PTPRD: variants seen among roughly 807,000 people sequenced by gnomAD.
PTPRD encodes the protein protein tyrosine phosphatase receptor type D.
PTPRD carries 34 observed loss-of-function variants against 214.5 expected under a neutral mutation model. The observed-to-expected ratio is 0.16, with a 90% CI of 0.12 to 0.21. PTPRD has a LOEUF of 0.21. PTPRD is among the 10% of genes least tolerant of loss of function. The pLI is 1.00. For synonymous variants in PTPRD, 1,128 were observed against 845.7 expected, an observed-to-expected ratio of 1.33 and a Z score of -5.79; for missense variants, 2,545 against 2,398.7, an observed-to-expected ratio of 1.06 and a Z score of -1.27.
intron 10 of PTPRD, among the ~76,000 whole-genome samples, chr9:9,035,904 T>C (rs1349297674): frequency 6.6e-6 from 1 of 152,232 alleles, no homozygotes; most frequent in Non-Finnish European, 1.5e-5. Flanking sequence ...TATTGAAACA[T>C]ATAGAAAGAT....
chr9:9,743,768 AC>A (rs961362596), intron 6 of PTPRD, among the ~76,000 whole-genome samples: 6 of 146,336 alleles, frequency 4.1e-5, no homozygotes, highest in Non-Finnish European at 8.9e-5. Flanking sequence ...ACACACACAC[AC>A]AATTTATACT....
chr9:9,775,508 C>A (rs986669259), intron 5 of PTPRD, among the ~76,000 whole-genome samples: 3 of 152,154 alleles, frequency 2.0e-5, no homozygotes, highest in Non-Finnish European at 4.4e-5. Flanking sequence ...GGATTTTACA[C>A]CTAAACTTTC....
intron 7 of PTPRD, among the ~76,000 whole-genome samples, chr9:9,664,149 G>A (rs1258100193): frequency 2.7e-5 from 4 of 146,650 alleles, no homozygotes; most frequent in Admixed American, 6.8e-5. Flanking sequence ...TGAGTTACAC[G>A]TAAAGAGTCC....
chr9:10,219,696 C>T (rs951366654), intron 3 of PTPRD, among the ~76,000 whole-genome samples: 3 of 151,784 alleles, frequency 2.0e-5, no homozygotes, highest in Non-Finnish European at 2.9e-5. Flanking sequence ...TTTTTCCATA[C>T]ATAAAAATCA....
chr9:10,208,018 A>C (rs2099492730), intron 3 of PTPRD, among the ~76,000 whole-genome samples: 2 of 152,234 alleles, frequency 1.3e-5, no homozygotes, highest in Non-Finnish European at 2.9e-5. Flanking sequence ...GCACATACAC[A>C]ACATAAATAG....
At chr9:10,361,625 T>C (rs887976885) in intron 2 of PTPRD, among the ~76,000 whole-genome samples, 1 of 152,154 alleles carries the variant, frequency 6.6e-6, no homozygotes, top group Non-Finnish European at 1.5e-5. Context: ...TTGATACCCA[T>C]TTCTACTTGG....
At chr9:9,878,705 C>A (rs1171472013) in intron 5 of PTPRD, among the ~76,000 whole-genome samples, 1 of 152,102 alleles carries the variant, frequency 6.6e-6, no homozygotes, top group East Asian at 1.9e-4. Flanking sequence ...CATAACCCAC[C>A]AAATAGAGCA....
intron 27 of PTPRD, among the ~76,000 whole-genome samples, chr9:8,488,323 A>T (rs971452088): frequency 1.3e-5 from 2 of 152,256 alleles, no homozygotes; most frequent in Admixed American, 6.5e-5. Flanking sequence ...TGCTGGGAAG[A>T]TTCATCACAT....
intron 4 of PTPRD, among the ~76,000 whole-genome samples, chr9:10,019,250 T>G (rs928101827): frequency 5.9e-5 from 9 of 152,156 alleles, no homozygotes; most frequent in African/African-American, 2.2e-4. Context: ...TCAGTTAGAA[T>G]GGCGATCATT....
At chr9:8,428,139 T>C (rs1049678872) in intron 35 of PTPRD, among the ~76,000 whole-genome samples, 33 of 152,160 alleles carry the variant, frequency 2.2e-4, no homozygotes, top group Admixed American at 2.0e-3. Flanking sequence ...AGGGCCTGTA[T>C]ACTTAGCAAC....
At chr9:10,549,727 T>C (rs2060904724) in intron 2 of PTPRD, among the ~76,000 whole-genome samples, 1 of 152,186 alleles carries the variant, frequency 6.6e-6, no homozygotes, top group Non-Finnish European at 1.5e-5. Context: ...TGTGTACTTC[T>C]ATGTTGTTTG....
Position 9,611,210 on chromosome 9 carries a change from C to T in PTPRD, c.-286-36429G>A, listed in dbSNP as rs184732334. ...CAAAATGCTTCAGTGAACATCTCTGCACATAAAGCCAGTAGCATCTGATTA... is the reference window on the plus strand; with the variant it reads ...CAAAATGCTTCAGTGAACATCTCTGTACATAAAGCCAGTAGCATCTGATTA... On this transcript the variant is annotated intron_variant, in intron 7 of 45. Transcript: ENST00000381196. Among the ~76,000 whole-genome samples the T allele has an allele frequency of 2.6e-4, 40 of 152,266 alleles. 1 individual carries two copies. Among genetic ancestry groups the T allele is most frequent in the Admixed American group, 5.9e-4 (9 of 15,280 alleles).
At chr9:8,684,608 T>C (rs1345567968) in intron 12 of PTPRD, among the ~76,000 whole-genome samples, 1 of 152,156 alleles carries the variant, frequency 6.6e-6, no homozygotes, top group Non-Finnish European at 1.5e-5. Flanking sequence ...ATCCTATCAT[T>C]TACAGACTAA....
At chr9:9,576,753 A>G (rs2088975979) in intron 7 of PTPRD, among the ~76,000 whole-genome samples, 1 of 152,202 alleles carries the variant, frequency 6.6e-6, no homozygotes, top group Non-Finnish European at 1.5e-5. Context: ...TTTATTACTA[A>G]AAGTTTAAAG....
intron 12 of PTPRD, among the ~76,000 whole-genome samples, chr9:8,722,372 T>A (rs1456915040): frequency 6.6e-6 from 1 of 152,200 alleles, no homozygotes; most frequent in Non-Finnish European, 1.5e-5. Context: ...ATCTGGTTAC[T>A]AACACCATGT....
At chr9:9,875,858 TA>T (rs1056970552) in intron 5 of PTPRD, among the ~76,000 whole-genome samples, 1 of 152,046 alleles carries the variant, frequency 6.6e-6, no homozygotes, top group Non-Finnish European at 1.5e-5. Flanking sequence ...TAAAATACTA[TA>T]AAAAAGGAAA....
chr9:10,285,759 T>C (rs1244018219), intron 3 of PTPRD, among the ~76,000 whole-genome samples: 9 of 151,924 alleles, frequency 5.9e-5, no homozygotes, highest in East Asian at 1.9e-4. Flanking sequence ...TACAGGCGCC[T>C]GCCACCATGC....
At chr9:8,705,076 A>T (rs1160125738) in intron 12 of PTPRD, among the ~76,000 whole-genome samples, 2 of 152,110 alleles carry the variant, frequency 1.3e-5, no homozygotes, top group African/African-American at 4.8e-5. Flanking sequence ...CTCTCCTTAT[A>T]TTACTGCAAT....
chr9:10,430,767 G>T (rs182974112), intron 2 of PTPRD, among the ~76,000 whole-genome samples: 263 of 151,922 alleles, frequency 1.7e-3, no homozygotes, highest in Non-Finnish European at 1.1e-3. Context: ...TTATGTTTTA[G>T]TCATTTTAAT....
Sources: allele counts gnomAD v4.1 joint callset (sites outside exome capture counted in the v4.1 genomes callset), GRCh38; gene constraint gnomAD v4.1.1; transcripts MANE v1.5; gene names NCBI Gene and HGNC (gene_info 2026-07-23, HGNC 2026-07-21).